Variants in PRKN observed in about 807,000 individuals in gnomAD.
PRKN encodes the protein parkin RBR E3 ubiquitin protein ligase.
Under a neutral mutation model 59.5 loss-of-function variants are expected in PRKN, and 56 were observed. The ratio of observed to expected loss-of-function variants is 0.94; its 90% CI spans 0.76 to 1.18. The LOEUF is 1.18. Ranked by LOEUF, PRKN falls within the 50% of genes most tolerant of loss-of-function variation. The pLI is 0.00. For missense variants in PRKN, 657 were observed against 596.4 expected (o/e 1.10, Z -1.06); for synonymous variants, 250 against 222.1 (o/e 1.13, Z -1.12).
At chr6:162,065,024 C>T (rs1285933210) in intron 4 of PRKN, among the ~76,000 whole-genome samples, 1 of 152,208 alleles carries the variant, frequency 6.6e-6, no homozygotes, top group Non-Finnish European at 1.5e-5. Flanking sequence ...ATGGTTGAAT[C>T]AAATTGTATT....
rs117856769 is a variant in PRKN, at chr6:161,694,248, A to C, written c.871+91524T>G. Among the ~76,000 whole-genome samples, 259 of 152,312 alleles carry C rather than the reference A, an allele frequency of 1.7e-3. 6 individuals are homozygous for C. The East Asian group carries it at 0.032, about 19-fold the overall frequency. ...TGTTAATAGTAATAATAATAAGAAA[A>C]AAAGATTTTGACCATGGACTATGAT... On this transcript the variant is annotated intron_variant, in intron 7 of 11. Transcript: ENST00000366898.
intron 2 of PRKN, among the ~76,000 whole-genome samples, chr6:162,275,752 T>C (rs1780608585): frequency 6.6e-6 from 1 of 150,770 alleles, no homozygotes; most frequent in South Asian, 2.1e-4. Context: ...ACAATCGCAC[T>C]CCTGCCTGGG....
At chr6:162,380,518 T>C (rs1786418333) in intron 2 of PRKN, among the ~76,000 whole-genome samples, 1 of 135,450 alleles carries the variant, frequency 7.4e-6, no homozygotes, top group South Asian at 2.5e-4. Context: ...TGTATATATA[T>C]ATATATGTAT....
At chr6:162,331,731 T>A (rs1451689062) in intron 2 of PRKN, among the ~76,000 whole-genome samples, 1 of 152,176 alleles carries the variant, frequency 6.6e-6, no homozygotes, top group Non-Finnish European at 1.5e-5. Flanking sequence ...CTGCCTTTTC[T>A]AGAAATGTGG....
intron 1 of PRKN, among the ~76,000 whole-genome samples, chr6:162,462,527 G>A (rs1234737792): frequency 3.3e-5 from 5 of 152,146 alleles, no homozygotes; most frequent in Non-Finnish European, 5.9e-5. Flanking sequence ...GTGGATGTGT[G>A]TGGATGTGTG....
chr6:162,336,346 G>A (rs747615789), intron 2 of PRKN, among the ~76,000 whole-genome samples: 22 of 151,976 alleles, frequency 1.4e-4, no homozygotes, highest in South Asian at 4.2e-4. Context: ...CAGCTACAAC[G>A]ATACCTCCTC....
Position 161,451,967 on chromosome 6 carries a change from T to C in PRKN, c.1084-65090A>G, listed in dbSNP as rs1789756869. ...TACTTTTTTCTTTTCTTTTCTTTTC[T>C]TTTTTTGGGATGGAGTCTCACTCTG... is the stretch of plus-strand genomic sequence containing the variant. On this transcript the variant is annotated intron_variant, in intron 9 of 11. Coordinates refer to ENST00000366898, the MANE Select transcript of PRKN (RefSeq NM_004562.3). The surrounding 1 kb of genome is among the most constrained non-coding windows in gnomAD (Gnocchi z 5.9). Among the ~76,000 whole-genome samples, 1 of 151,918 alleles carries C rather than the reference T, an allele frequency of 6.6e-6. No homozygotes were observed. The highest frequency in any genetic ancestry group is 2.4e-5 in the African/African-American group (1 of 41,236).
chr6:161,598,514 T>C lies in PRKN; in HGVS notation c.872-29098A>G, dbSNP rs1330007895. Among the ~76,000 whole-genome samples the C allele has an allele frequency of 3.9e-5, 6 of 152,338 alleles. No homozygotes were observed. The South Asian group carries it at 6.2e-4, about 16-fold the overall frequency. Reference sequence around the variant, plus strand: ...TAAGCATTCTGAATCTTAAGAATTTTAATTTGCCTTCTTAGCAATGAGAGG... The same window carrying C: ...TAAGCATTCTGAATCTTAAGAATTTCAATTTGCCTTCTTAGCAATGAGAGG... On this transcript the variant is annotated intron_variant, in intron 7 of 11. Transcript: ENST00000366898.
intron 5 of PRKN, among the ~76,000 whole-genome samples, chr6:161,999,978 T>C (rs1781990125): frequency 6.6e-6 from 1 of 152,144 alleles, no homozygotes; most frequent in Admixed American, 6.6e-5. Context: ...ATGCGTGAGT[T>C]CTTTAGAACA....
intron 2 of PRKN, among the ~76,000 whole-genome samples, chr6:162,283,440 C>T (rs1351281425): frequency 1.3e-5 from 2 of 152,114 alleles, no homozygotes; most frequent in Non-Finnish European, 2.9e-5. Flanking sequence ...TCCAGTAAAT[C>T]TGGTGCCTTC....
intron 7 of PRKN, among the ~76,000 whole-genome samples, chr6:161,707,844 A>G (rs1399276909): frequency 6.6e-6 from 1 of 152,154 alleles, no homozygotes; most frequent in East Asian, 1.9e-4. Context: ...GAAGCTTCCT[A>G]GGGCTTCAAA....
At chr6:162,016,733 C>G (rs1452290896) in intron 5 of PRKN, among the ~76,000 whole-genome samples, 3 of 152,096 alleles carry the variant, frequency 2.0e-5, no homozygotes, top group South Asian at 4.1e-4. Context: ...GTCTCAAGCC[C>G]AAGCATGCCA....
At chr6:161,873,244 C>T (rs1397863986) in intron 6 of PRKN, among the ~76,000 whole-genome samples, 1 of 151,932 alleles carries the variant, frequency 6.6e-6, no homozygotes, top group East Asian at 1.9e-4. Flanking sequence ...CCGGGCCTGC[C>T]TCTCCCGGTC....
intron 1 of PRKN, among the ~76,000 whole-genome samples, chr6:162,625,420 G>A (rs1782843521): frequency 6.6e-6 from 1 of 152,194 alleles, no homozygotes; most frequent in Non-Finnish European, 1.5e-5. Context: ...GATGGGTGAT[G>A]CTGAACTTGG....
intron 7 of PRKN, among the ~76,000 whole-genome samples, chr6:161,680,787 T>TTC (rs1785330479): frequency 8.2e-6 from 1 of 122,320 alleles, no homozygotes; most frequent in East Asian, 2.3e-4. Flanking sequence ...TTTTTTTTTT[T>TTC]TTTCTTTTCC....
At chr6:162,710,165 G>A (rs1364351964) in intron 1 of PRKN, among the ~76,000 whole-genome samples, 1 of 152,012 alleles carries the variant, frequency 6.6e-6, no homozygotes. Context: ...ATCAACTTTA[G>A]AAGTCTGGTT....
chr6:161,727,355 A>C (rs1414034964), intron 7 of PRKN, among the ~76,000 whole-genome samples: 2 of 152,158 alleles, frequency 1.3e-5, no homozygotes, highest in Non-Finnish European at 2.9e-5. Context: ...CCGGGTCCCC[A>C]ACCTTCCTCC....
intron 1 of PRKN, among the ~76,000 whole-genome samples, chr6:162,698,002 T>C (rs549488694): frequency 6.6e-6 from 1 of 152,308 alleles, no homozygotes; most frequent in Admixed American, 6.5e-5. Context: ...GCCTTGCCTG[T>C]TTCCCTTACA....
chr6:162,678,936 A>C (rs1455099965), intron 1 of PRKN, among the ~76,000 whole-genome samples: 2 of 151,016 alleles, frequency 1.3e-5, no homozygotes, highest in Non-Finnish European at 2.9e-5. Flanking sequence ...CACCATGCTC[A>C]GTTAAATTTT....
Sources: allele counts gnomAD v4.1 joint callset (sites outside exome capture counted in the v4.1 genomes callset), GRCh38; gene constraint gnomAD v4.1.1; non-coding constraint Gnocchi (gnomAD v3.1); transcripts MANE v1.5; gene names NCBI Gene and HGNC (gene_info 2026-07-23, HGNC 2026-07-21).